Variants in CSNK2A1 observed in about 807,000 individuals in gnomAD.
The protein encoded by CSNK2A1 is casein kinase 2 alpha 1, also known as casein kinase II subunit alpha.
CSNK2A1 carries 10 observed loss-of-function variants against 62.9 expected under a neutral mutation model. The ratio of observed to expected loss-of-function variants is 0.16; its 90% CI spans 0.10 to 0.27. The LOEUF (loss-of-function observed/expected upper bound fraction) is 0.27. Among genes scored for constraint, CSNK2A1 ranks in the 10% least tolerant of loss-of-function variants. The probability of loss-of-function intolerance (pLI) is 1.00; values close to 1 mark genes in which losing one functional copy is unlikely to be tolerated. For synonymous variants in CSNK2A1, 124 were observed against 167.8 expected (o/e 0.74, Z 2.02); for missense variants, 160 against 492.0 (o/e 0.33, Z 6.38).
At chr20:497,862 A>C in intron 6 of CSNK2A1, 82 bp from the exon 7 acceptor site, 1 of 1,265,660 alleles carries the variant, frequency 7.9e-7, no homozygotes, top group Non-Finnish European at 1.1e-6. Flanking sequence ...ATTCAAACCA[A>C]GACTTGGCTC....
chr20:508,175 T>C, intron 3 of CSNK2A1: 1 of 274,484 alleles, frequency 3.6e-6, no homozygotes, highest in Non-Finnish European at 6.9e-6. Flanking sequence ...ATTCAAACTT[T>C]GTTATGTGGT....
chr20:483,775 AAAAG>A lies in CSNK2A1; in HGVS notation c.*182_*185del, dbSNP rs907897106. The A allele has an allele frequency of 2.4e-6, 1 of 412,266 alleles. No individual in the cohort carries two copies. The highest frequency in any genetic ancestry group is 2.1e-5 in the African/African-American group (1 of 48,570). The allele number at this position is 412,266 out of a possible 1,614,324, so 25.5% of individuals were successfully genotyped here. A position where few individuals can be genotyped will look rare whatever the true frequency, so the allele number is the denominator to read the frequency against. ...TTATGAAAAGTTCGAGTTAAAAAAA[AAAAG>A]AAAAAAGAAAATCAGCCTATTATAA... On this transcript the variant is annotated 3_prime_UTR_variant, in exon 14 of 14. Transcript: ENST00000217244.
chr20:488,557 TG>T, intron 11 of CSNK2A1, 120 bp downstream of exon 11: 1 of 961,290 alleles, frequency 1.0e-6, no homozygotes, highest in Non-Finnish European at 1.6e-6. Context: ...CCTGTGGCAC[TG>T]GACCACTGAC....
Position 482,532 on chromosome 20 carries a change from T to A in CSNK2A1, c.*1429A>T, listed in dbSNP as rs1600363414. Reference sequence around the variant, plus strand: ...AGACGCTTTGGCTTGTGGTGCTTTTTTTTTAAGGCCTCTCTGCTCTGCCCG... The same window carrying A: ...AGACGCTTTGGCTTGTGGTGCTTTTATTTTAAGGCCTCTCTGCTCTGCCCG... On this transcript the variant is annotated 3_prime_UTR_variant, in exon 14 of 14. Coordinates refer to ENST00000217244, the MANE Select transcript of CSNK2A1 (RefSeq NM_177559.3). The A allele has an allele frequency of 6.6e-6, 1 of 152,334 alleles. No individual in the cohort carries two copies. The highest frequency in any genetic ancestry group is 1.9e-4 in the East Asian group (1 of 5,182). 9.4% of individuals were successfully genotyped at this position (152,334 alleles called of 1,614,324 possible).
chr20:510,547 C>T (rs1390406182), intron 2 of CSNK2A1, among the ~76,000 whole-genome samples: 6 of 152,084 alleles, frequency 3.9e-5, no homozygotes, highest in East Asian at 1.9e-4. Flanking sequence ...ATATAATCTA[C>T]CCTAAAATGA....
intron 11 of CSNK2A1, chr20:488,038 GC>G: frequency 6.0e-6 from 1 of 165,384 alleles, no homozygotes; most frequent in Non-Finnish European, 1.3e-5. Context: ...TCTGCATATA[GC>G]CTTTTTTTTT....
rs371565154 is a variant in CSNK2A1, at chr20:484,085, A to G, written c.1061-9T>C. 2.3e-4 allele frequency: 356 copies of G among 1,568,270 alleles called. No individual in the cohort carries two copies. The highest frequency in any genetic ancestry group is 3.1e-4 in the Admixed American group (16 of 51,426). ...TGGCACTGAAGAAATCCCTGAAAGA[A>G]AAGAGCTGTCAGTGAGCCAAAGACA... On this transcript the variant is annotated splice_polypyrimidine_tract_variant and intron_variant, in intron 13 of 13. Coordinates refer to ENST00000217244, the MANE Select transcript of CSNK2A1 (RefSeq NM_177559.3).
rs1475419384 is a variant in CSNK2A1 at position 482,067 on chromosome 20, C to T, written c.*1894G>A. On this transcript the variant is annotated 3_prime_UTR_variant, in exon 14 of 14. Transcript: ENST00000217244. ...CCTCTAAAGTTTACCATTATATTCACTAAAGCCACCACCTTGATAAAGTTA... is the reference window on the plus strand; with the variant it reads ...CCTCTAAAGTTTACCATTATATTCATTAAAGCCACCACCTTGATAAAGTTA... 1.3e-5 allele frequency: 2 copies of T among 152,170 alleles called. No individual in the cohort carries two copies. The highest frequency in any genetic ancestry group is 2.9e-5 in the Non-Finnish European group (2 of 68,038). The allele number at this position is 152,170 out of a possible 1,614,324, so 9.4% of individuals were successfully genotyped here.
chr20:526,370 G>A (rs1365949318), intron 2 of CSNK2A1, among the ~76,000 whole-genome samples: 1 of 152,104 alleles, frequency 6.6e-6, no homozygotes, highest in Non-Finnish European at 1.5e-5. Flanking sequence ...CAATACTTAG[G>A]AAGGCTGAAG....
chr20:526,248 A>T (rs1234496259), intron 2 of CSNK2A1, among the ~76,000 whole-genome samples: 7 of 152,018 alleles, frequency 4.6e-5, no homozygotes, highest in Admixed American at 4.6e-4. Flanking sequence ...AAGGCAAAGG[A>T]TTGTCTGAGT....
rs542803911 is a variant in CSNK2A1 at position 474,793 on chromosome 20, A to T, written c.*9168T>A. 6.6e-6 allele frequency: 1 copy of T among 152,316 alleles called. No homozygotes were observed. The highest frequency in any genetic ancestry group is 2.1e-4 in the South Asian group (1 of 4,828). The allele number at this position is 152,316 out of a possible 1,614,324, so 9.4% of individuals were successfully genotyped here. ...TGTAATCCTGGTTAGACCAGTATTC[A>T]GTGTTTCCATTATGACTACGTAAAT... On this transcript the variant is annotated 3_prime_UTR_variant, in exon 14 of 14. Transcript: ENST00000217244.
In CSNK2A1 at chr20:487,585, CA is replaced by C. The variant is rs771128446; in HGVS notation, c.825-11del. 5 of 1,614,036 alleles carry C rather than the reference CA, an allele frequency of 3.1e-6. No homozygotes were observed. Among genetic ancestry groups the C allele is most frequent in the Admixed American group, 1.7e-5 (1 of 60,000 alleles). On this transcript the variant is annotated splice_polypyrimidine_tract_variant and intron_variant, in intron 11 of 13. Coordinates refer to ENST00000217244, the MANE Select transcript of CSNK2A1 (RefSeq NM_177559.3). ...TCGCTTTCGAGAGTGTCTGCAGGAC[CA>C]AAAGAGGGCATGAGAAATGGGCCAC...
intron 4 of CSNK2A1, chr20:502,631 G>A (rs2018494816): frequency 6.6e-6 from 1 of 152,112 alleles, no homozygotes; most frequent in Non-Finnish European, 1.5e-5. Context: ...ATACAATACA[G>A]TTAGAAAGAC....
intron 8 of CSNK2A1, among the ~76,000 whole-genome samples, chr20:493,805 T>C (rs1466898459): frequency 6.6e-6 from 1 of 152,208 alleles, no homozygotes; most frequent in Non-Finnish European, 1.5e-5. Context: ...CTCTGCTCTT[T>C]ATCTCTATCA....
At chr20:542,511 C>T (rs929979305) in intron 1 of CSNK2A1, among the ~76,000 whole-genome samples, 10 of 152,214 alleles carry the variant, frequency 6.6e-5, no homozygotes, top group Non-Finnish European at 1.2e-4. Context: ...CAGCTCACTG[C>T]CACCTCCGCC....
intron 11 of CSNK2A1, 74 bp downstream of exon 11, chr20:488,604 T>C: frequency 1.4e-6 from 2 of 1,426,040 alleles, no homozygotes; most frequent in South Asian, 2.3e-5. Flanking sequence ...CATAACTATT[T>C]TGAAGATCCT....
In CSNK2A1 at chr20:482,517, G is replaced by T. The variant is rs2017973977; in HGVS notation, c.*1444C>A. Reference sequence around the variant, plus strand: ...ATCCTTAATCCCCAGAGACGCTTTGGCTTGTGGTGCTTTTTTTTTAAGGCC... The same window carrying T: ...ATCCTTAATCCCCAGAGACGCTTTGTCTTGTGGTGCTTTTTTTTTAAGGCC... On this transcript the variant is annotated 3_prime_UTR_variant, in exon 14 of 14. Transcript: ENST00000217244. 6.6e-6 allele frequency: 1 copy of T among 152,160 alleles called. No individual in the cohort carries two copies. Among genetic ancestry groups the T allele is most frequent in the Admixed American group, 6.5e-5 (1 of 15,268 alleles). The allele number at this position is 152,160 out of a possible 1,614,324, so 9.4% of individuals were successfully genotyped here. A position where few individuals can be genotyped will look rare whatever the true frequency, so the allele number is the denominator to read the frequency against.
intron 2 of CSNK2A1, chr20:526,602 C>G (rs2019094741): frequency 1.3e-5 from 2 of 151,444 alleles, no homozygotes; most frequent in South Asian, 4.2e-4. Flanking sequence ...CAGAGAAAGA[C>G]CCTGCCTCTG....
Position 486,202 on chromosome 20 carries a change from T to C in CSNK2A1, c.1060+174A>G, listed in dbSNP as rs564296331. ...TCTAGCCTAGAAGGGGATACCCTACTCAAGACAGTATCACTAAAGTATACC... is the reference window on the plus strand; with the variant it reads ...TCTAGCCTAGAAGGGGATACCCTACCCAAGACAGTATCACTAAAGTATACC... On this transcript the variant is annotated intron_variant, in intron 13 of 13. Transcript: ENST00000217244. 2.0e-5 allele frequency among the ~76,000 whole-genome samples: 3 copies of C among 152,144 alleles called. No individual in the cohort carries two copies. The East Asian group carries it at 5.8e-4, about 29-fold the overall frequency.
Sources: allele counts gnomAD v4.1 joint callset (sites outside exome capture counted in the v4.1 genomes callset), GRCh38; gene constraint gnomAD v4.1.1; transcripts MANE v1.5; gene names NCBI Gene and HGNC (gene_info 2026-07-23, HGNC 2026-07-21).